The following ACAP2 variants were observed in gnomAD, a reference collection of about 807,000 sequenced individuals.
The protein encoded by ACAP2 is ArfGAP with coiled-coil, ankyrin repeat and PH domains 2.
In ACAP2, 39 loss-of-function variants were observed where a neutral mutation model predicts 115.8. The ratio of observed to expected loss-of-function variants is 0.34; its 90% CI spans 0.26 to 0.44. The LOEUF is 0.44. ACAP2 is among the 20% of genes least tolerant of loss of function. The probability of loss-of-function intolerance (pLI) is 1.00; values close to 1 mark genes in which losing one functional copy is unlikely to be tolerated. For synonymous variants in ACAP2, 289 were observed against 315.8 expected (o/e 0.92, Z 0.90); for missense variants, 662 against 927.6 (o/e 0.71, Z 3.72).
At chr3:195,285,702 C>G in intron 22 of ACAP2, 94 bp downstream of exon 22, 1 of 1,056,762 alleles carries the variant, frequency 9.5e-7, no homozygotes, top group South Asian at 1.4e-5. Flanking sequence ...CATTAGTTTG[C>G]TAAAGAACTA....
chr3:195,418,622 G>A (rs1230422384), intron 1 of ACAP2, among the ~76,000 whole-genome samples: 1 of 152,082 alleles, frequency 6.6e-6, no homozygotes, highest in Non-Finnish European at 1.5e-5. Flanking sequence ...GTAGAAACAG[G>A]TCAGGCTATG....
intron 1 of ACAP2, among the ~76,000 whole-genome samples, chr3:195,437,693 T>A (rs1381419937): frequency 6.6e-6 from 1 of 150,878 alleles, no homozygotes; most frequent in African/African-American, 2.4e-5. Context: ...CAGGCGCCTG[T>A]AATCCCAGCT....
At chr3:195,282,553 T>C (rs551342186) in intron 22 of ACAP2, 1 of 151,598 alleles carries the variant, frequency 6.6e-6, no homozygotes, top group East Asian at 1.9e-4. Context: ...TTCAATGTGA[T>C]TTTTTAATAT....
intron 8 of ACAP2, among the ~76,000 whole-genome samples, chr3:195,332,790 T>C (rs889601666): frequency 1.3e-5 from 2 of 152,168 alleles, no homozygotes; most frequent in Non-Finnish European, 2.9e-5. Flanking sequence ...TGCTGCCTTG[T>C]GAAAAAGATG....
intron 1 of ACAP2, among the ~76,000 whole-genome samples, chr3:195,415,770 A>G (rs1380636921): frequency 1.3e-5 from 2 of 152,186 alleles, no homozygotes; most frequent in South Asian, 2.1e-4. Context: ...TTATTTAGAA[A>G]AAATAAAATA....
intron 1 of ACAP2, among the ~76,000 whole-genome samples, chr3:195,428,524 T>C (rs1577469758): frequency 1.3e-5 from 2 of 152,084 alleles, no homozygotes; most frequent in South Asian, 2.1e-4. Flanking sequence ...TGTGTTAAAA[T>C]TGCCTACAGT....
chr3:195,372,840 T>C (rs568147326), intron 4 of ACAP2, among the ~76,000 whole-genome samples: 4 of 151,762 alleles, frequency 2.6e-5, no homozygotes, highest in Non-Finnish European at 5.9e-5. Flanking sequence ...ACTCTGAATA[T>C]AGTACCTCGG....
At chr3:195,304,451 T>G (rs7611090) in intron 13 of ACAP2, among the ~76,000 whole-genome samples, 44,793 of 151,804 alleles carry the variant, frequency 0.3, 7,635 homozygotes, top group East Asian at 0.72. Context: ...TGACACCAAT[T>G]CACGAAAGTA....
Position 195,291,827 on chromosome 3 carries a change from A to G in ACAP2, c.1954-12T>C, listed in dbSNP as rs1353570571. 1 of 1,600,502 alleles carries G rather than the reference A, an allele frequency of 6.2e-7. No homozygotes were observed. On this transcript the variant is annotated splice_polypyrimidine_tract_variant and intron_variant, in intron 19 of 22. Transcript: ENST00000326793. ...GTCACCAAAGAGCCCTTAAAGGAAA[A>G]AAGAGGATAACTATAGACAAAAGCA... is the stretch of plus-strand genomic sequence containing the variant.
chr3:195,366,355 T>C (rs1040331759), intron 4 of ACAP2, among the ~76,000 whole-genome samples: 5 of 152,210 alleles, frequency 3.3e-5, no homozygotes, highest in African/African-American at 1.2e-4. Flanking sequence ...CAAACTGCTC[T>C]ACCCAGTGGT....
intron 1 of ACAP2, among the ~76,000 whole-genome samples, chr3:195,427,940 T>C (rs776512553): frequency 1.3e-4 from 20 of 151,798 alleles, no homozygotes; most frequent in Non-Finnish European, 2.8e-4. Flanking sequence ...TTCAATTATA[T>C]GTGCTTGTGT....
intron 1 of ACAP2, chr3:195,441,652 A>C (rs1716001725): frequency 6.6e-6 from 1 of 152,278 alleles, no homozygotes; most frequent in Admixed American, 6.5e-5. Context: ...CTTGGCCCAG[A>C]CATTAGCGGG....
chr3:195,389,906 G>C (rs1466165918), intron 2 of ACAP2, among the ~76,000 whole-genome samples: 1 of 152,192 alleles, frequency 6.6e-6, no homozygotes, highest in African/African-American at 2.4e-5. Context: ...TGATCATAAA[G>C]ACAGAGGGGC....
chr3:195,361,182 C>T (rs1732342801), intron 4 of ACAP2, among the ~76,000 whole-genome samples: 1 of 152,084 alleles, frequency 6.6e-6, no homozygotes, highest in South Asian at 2.1e-4. Flanking sequence ...GGCCTATAAT[C>T]CCCACATTTT....
chr3:195,308,063 A>C (rs940612160), intron 11 of ACAP2, among the ~76,000 whole-genome samples: 1 of 152,200 alleles, frequency 6.6e-6, no homozygotes, highest in Non-Finnish European at 1.5e-5. Context: ...ATGTAATCCC[A>C]ATATGTCTTT....
chr3:195,422,919 T>C (rs1474449686), intron 1 of ACAP2, among the ~76,000 whole-genome samples: 1 of 152,018 alleles, frequency 6.6e-6, no homozygotes, highest in Non-Finnish European at 1.5e-5. Flanking sequence ...AATGATATGA[T>C]GAATTAAAAG....
At chr3:195,421,850 GTTCTT>G (rs910130564) in intron 1 of ACAP2, among the ~76,000 whole-genome samples, 8 of 152,100 alleles carry the variant, frequency 5.3e-5, no homozygotes, top group African/African-American at 1.2e-4. Flanking sequence ...CTTAAAATAT[GTTCTT>G]TTCAAGAGAT....
intron 1 of ACAP2, among the ~76,000 whole-genome samples, chr3:195,424,427 T>C (rs1283038288): frequency 6.7e-6 from 1 of 150,232 alleles, no homozygotes; most frequent in Non-Finnish European, 1.5e-5. Context: ...CCCAAGTAGC[T>C]GGGATTACAG....
At chr3:195,399,078 T>C (rs1030200166) in intron 1 of ACAP2, among the ~76,000 whole-genome samples, 6 of 152,186 alleles carry the variant, frequency 3.9e-5, no homozygotes, top group African/African-American at 7.2e-5. Context: ...TTTGCACCAA[T>C]CTAATAGAAC....
Sources: gnomAD v4.1 joint callset for allele counts (sites outside exome capture counted in the v4.1 genomes callset) on GRCh38, gnomAD v4.1.1 for gene constraint, MANE v1.5 for transcripts, NCBI Gene and HGNC (gene_info 2026-07-23, HGNC 2026-07-21) for gene names.